CNTNAP2: variants seen among roughly 807,000 people sequenced by gnomAD.
The protein encoded by CNTNAP2 is contactin-associated protein-like 2.
Under a neutral mutation model 155.2 loss-of-function variants are expected in CNTNAP2, and 98 were observed. That is an observed-to-expected ratio of 0.63 (90% CI 0.54 to 0.75). The LOEUF (loss-of-function observed/expected upper bound fraction) is 0.75, where lower values mean the gene tolerates loss of function less well. CNTNAP2 is among the 30% of genes least tolerant of loss of function. CNTNAP2 has a pLI of 0.00. For missense variants in CNTNAP2, 1,727 were observed against 1,688.1 expected (o/e 1.02, Z -0.40); for synonymous variants, 651 against 631.2 (o/e 1.03, Z -0.47).
intron 1 of CNTNAP2, among the ~76,000 whole-genome samples, chr7:146,595,737 AT>A (rs1798849704): frequency 1.3e-5 from 2 of 152,004 alleles, no homozygotes; most frequent in Non-Finnish European, 2.9e-5. Flanking sequence ...AGTATATATA[AT>A]TTTCCTATAA....
At chr7:146,188,169 A>T (rs1798649731) in intron 1 of CNTNAP2, among the ~76,000 whole-genome samples, 1 of 152,222 alleles carries the variant, frequency 6.6e-6, no homozygotes, top group Non-Finnish European at 1.5e-5. Flanking sequence ...GAAACAGGAT[A>T]AGAACAACCA....
intron 12 of CNTNAP2, among the ~76,000 whole-genome samples, chr7:147,605,540 A>C (rs1801043430): frequency 6.6e-6 from 1 of 152,176 alleles, no homozygotes; most frequent in Non-Finnish European, 1.5e-5. Flanking sequence ...GTCTTCAAGC[A>C]GCCCTCAGAA....
chr7:148,095,858 A>G (rs1803954175), intron 15 of CNTNAP2, among the ~76,000 whole-genome samples: 1 of 152,224 alleles, frequency 6.6e-6, no homozygotes, highest in Non-Finnish European at 1.5e-5. Flanking sequence ...CCTCCTGCCC[A>G]GAATTTTCTA....
chr7:146,803,197 TAAAA>T (rs1802910978), intron 2 of CNTNAP2, among the ~76,000 whole-genome samples: 1 of 151,324 alleles, frequency 6.6e-6, no homozygotes, highest in African/African-American at 2.4e-5. Context: ...AACGGGAAAA[TAAAA>T]GAAATGAAGA....
At chr7:148,155,120 C>G (rs1805374124) in intron 17 of CNTNAP2, among the ~76,000 whole-genome samples, 1 of 152,172 alleles carries the variant, frequency 6.6e-6, no homozygotes, top group South Asian at 2.1e-4. Context: ...GAGTCTATAA[C>G]ATAGATAACA....
chr7:146,628,930 C>G (rs371987619), intron 1 of CNTNAP2, among the ~76,000 whole-genome samples: 1 of 152,098 alleles, frequency 6.6e-6, no homozygotes, highest in Non-Finnish European at 1.5e-5. Flanking sequence ...CTCTATATAA[C>G]TTATTGTAAA....
intron 8 of CNTNAP2, among the ~76,000 whole-genome samples, chr7:147,155,090 G>A (rs1801897032): frequency 6.6e-6 from 1 of 152,274 alleles, no homozygotes; most frequent in South Asian, 2.1e-4. Flanking sequence ...CAAAAGTCAT[G>A]TTGAAATCCT....
intron 3 of CNTNAP2, among the ~76,000 whole-genome samples, chr7:146,977,614 C>A (rs568538615): frequency 6.6e-6 from 1 of 152,298 alleles, no homozygotes; most frequent in South Asian, 2.1e-4. Flanking sequence ...GGTAAATTAA[C>A]TATTTCACTT....
At chr7:147,084,952 A>G (rs1800241146) in intron 4 of CNTNAP2, among the ~76,000 whole-genome samples, 1 of 151,732 alleles carries the variant, frequency 6.6e-6, no homozygotes, top group Admixed American at 6.6e-5. Flanking sequence ...CATTGATGAA[A>G]TATTTATAAT....
At chr7:147,722,584 C>T (rs1373416371) in intron 13 of CNTNAP2, among the ~76,000 whole-genome samples, 4 of 152,048 alleles carry the variant, frequency 2.6e-5, no homozygotes. Context: ...TTGTCAGTTT[C>T]AATGACTTCT....
intron 17 of CNTNAP2, among the ~76,000 whole-genome samples, chr7:148,166,323 T>G (rs974593342): frequency 4.6e-5 from 7 of 152,186 alleles, no homozygotes; most frequent in Admixed American, 1.3e-4. Flanking sequence ...AAGGCCTGGC[T>G]CATAGTAGGC....
intron 8 of CNTNAP2, among the ~76,000 whole-genome samples, chr7:147,155,362 C>T (rs1329172463): frequency 1.3e-5 from 2 of 152,082 alleles, no homozygotes; most frequent in Non-Finnish European, 2.9e-5. Flanking sequence ...TGTTTATAAG[C>T]CACCCACTCT....
At chr7:148,010,557 C>T (rs1585076070) in intron 15 of CNTNAP2, among the ~76,000 whole-genome samples, 2 of 151,362 alleles carry the variant, frequency 1.3e-5, no homozygotes. Context: ...TCTAAGGGTT[C>T]AGTTTCTTAT....
intron 21 of CNTNAP2, among the ~76,000 whole-genome samples, chr7:148,304,065 A>G (rs955002246): frequency 6.6e-6 from 1 of 152,242 alleles, no homozygotes; most frequent in African/African-American, 2.4e-5. Context: ...TTCAGAGGGT[A>G]GAAGAGAAGT....
intron 14 of CNTNAP2, 118 bp from the exon 15 acceptor site, chr7:147,977,744 T>C (rs1801454738): frequency 1.4e-6 from 2 of 1,408,554 alleles, no homozygotes; most frequent in Admixed American, 3.5e-5. Flanking sequence ...TGGCTTTACT[T>C]AGTAAACTTC....
intron 1 of CNTNAP2, among the ~76,000 whole-genome samples, chr7:146,745,304 T>C (rs543305261): frequency 5.3e-5 from 8 of 152,330 alleles, no homozygotes; most frequent in Middle Eastern, 3.4e-3. Context: ...AAATTTATTA[T>C]CTCATTTGAT....
chr7:146,276,398 A>G (rs977955717), intron 1 of CNTNAP2, among the ~76,000 whole-genome samples: 7 of 152,322 alleles, frequency 4.6e-5, no homozygotes, highest in Non-Finnish European at 1.0e-4. Flanking sequence ...ATCTTAACCA[A>G]GGCATCTAAC....
chr7:146,462,689 C>G (rs990821618), intron 1 of CNTNAP2, among the ~76,000 whole-genome samples: 1 of 152,070 alleles, frequency 6.6e-6, no homozygotes, highest in Non-Finnish European at 1.5e-5. Context: ...ATTTTTTAGT[C>G]AAAATATATC....
At chr7:146,342,486 G>A (rs150842822) in intron 1 of CNTNAP2, among the ~76,000 whole-genome samples, 4 of 152,224 alleles carry the variant, frequency 2.6e-5, no homozygotes, top group African/African-American at 9.6e-5. Flanking sequence ...TTCCAAATGT[G>A]AAGTAATTAT....
Sources: gnomAD v4.1 joint callset for allele counts (sites outside exome capture counted in the v4.1 genomes callset) on GRCh38, gnomAD v4.1.1 for gene constraint, MANE v1.5 for transcripts, NCBI Gene and HGNC (gene_info 2026-07-23, HGNC 2026-07-21) for gene names.